The following PCDH11X variants were observed in gnomAD, a reference collection of about 807,000 sequenced individuals.
The protein encoded by PCDH11X is protocadherin 11 X-linked, also known as protocadherin-11 X-linked.
PCDH11X carries 18 observed loss-of-function variants against 53.3 expected under a neutral mutation model. The ratio of observed to expected loss-of-function variants is 0.34; its 90% confidence interval spans 0.23 to 0.50. PCDH11X has a LOEUF of 0.50. Among genes scored for constraint, PCDH11X ranks in the 20% least tolerant of loss-of-function variants. The pLI is 0.98. For synonymous variants in PCDH11X, 279 were observed against 393.3 expected (o/e 0.71, Z 3.44); for missense variants, 570 against 1,032.4 (o/e 0.55, Z 6.14).
intron 9 of PCDH11X, among the ~76,000 whole-genome samples, chrX:92,395,014 A>T (rs1603299199): frequency 9.0e-6 from 1 of 111,493 alleles, no homozygotes; most frequent in Admixed American, 9.6e-5. Flanking sequence ...AATATTGAAG[A>T]TGCTCAATAG....
chrX:92,190,122 A>G (rs775732578), intron 6 of PCDH11X, among the ~76,000 whole-genome samples: 2 of 111,912 alleles, frequency 1.8e-5, no homozygotes, highest in Non-Finnish European at 3.8e-5. Context: ...TGTTTTCATC[A>G]TGAAATCTTT....
chrX:91,915,155 TA>T (rs1252673930), intron 6 of PCDH11X, among the ~76,000 whole-genome samples: 1 of 102,073 alleles, frequency 9.8e-6, no homozygotes, highest in Non-Finnish European at 2.0e-5. Context: ...TGCTGACTAC[TA>T]AGCCAGCACT....
chrX:92,287,845 TG>T (rs1569455551), intron 8 of PCDH11X: 1 of 460,132 alleles, frequency 2.2e-6, no homozygotes, highest in East Asian at 3.8e-5. Context: ...GATTGGCTCA[TG>T]GGGGCATATT....
chrX:92,214,685 C>T (rs2066656324), intron 7 of PCDH11X, among the ~76,000 whole-genome samples: 1 of 111,158 alleles, frequency 9.0e-6, no homozygotes, highest in African/African-American at 3.3e-5. Context: ...TAAACATGGA[C>T]GTTTAGGTTT....
At chrX:92,269,410 C>A (rs541963589) in intron 8 of PCDH11X, among the ~76,000 whole-genome samples, 5 of 112,052 alleles carry the variant, frequency 4.5e-5, no homozygotes, top group African/African-American at 1.6e-4. Context: ...AGCTATTGTT[C>A]TGAAATATTT....
chrX:91,853,434 A>T (rs1317655690), intron 5 of PCDH11X, among the ~76,000 whole-genome samples: 1 of 108,870 alleles, frequency 9.2e-6, no homozygotes, highest in African/African-American at 3.4e-5. Context: ...TAACATAAAA[A>T]ATTGGAATGA....
At chrX:91,974,369 G>A (rs2062017523) in intron 6 of PCDH11X, among the ~76,000 whole-genome samples, 1 of 111,449 alleles carries the variant, frequency 9.0e-6, no homozygotes, top group African/African-American at 3.3e-5. Context: ...GGGATTAGCA[G>A]TGTCAGTGGT....
Position 92,274,787 on chromosome X carries a change from G to C in PCDH11X, c.3144+11644G>C, listed in dbSNP as rs185850068. On this transcript the variant is annotated intron_variant, in intron 8 of 10. Coordinates refer to ENST00000682573, the MANE Select transcript of PCDH11X (RefSeq NM_032968.5). Reference sequence around the variant, plus strand: ...TACTATAGCATAGCCTGCCTTTGCTGGTGTGTGGCGATAAGGCCTGGTAGA... The same window carrying C: ...TACTATAGCATAGCCTGCCTTTGCTCGTGTGTGGCGATAAGGCCTGGTAGA... Among the ~76,000 whole-genome samples the C allele has an allele frequency of 3.0e-3, 330 of 110,942 alleles. 3 individuals carry two copies. The highest frequency in any genetic ancestry group is 0.011 in the African/African-American group (324 of 30,512).
chrX:92,373,535 T>A (rs2573825), intron 8 of PCDH11X, among the ~76,000 whole-genome samples: 1 of 109,486 alleles, frequency 9.1e-6, no homozygotes, highest in African/African-American at 3.4e-5. Flanking sequence ...ATAATTCTTA[T>A]GCCAAAGAGC....
At chrX:91,884,342 A>T (rs1371967609) in intron 6 of PCDH11X, among the ~76,000 whole-genome samples, 1 of 111,182 alleles carries the variant, frequency 9.0e-6, no homozygotes, top group East Asian at 2.8e-4. Flanking sequence ...TTTGAAAAAA[A>T]GTATATTGAT....
At chrX:92,358,253 T>C (rs1224523997) in intron 8 of PCDH11X, among the ~76,000 whole-genome samples, 5 of 99,730 alleles carry the variant, frequency 5.0e-5, no homozygotes, top group African/African-American at 1.8e-4. Flanking sequence ...CAGATGGTCA[T>C]TGATGTCATG....
chrX:92,515,512 C>T (rs1159519114), intron 10 of PCDH11X: 4 of 298,358 alleles, frequency 1.3e-5, no homozygotes, highest in Non-Finnish European at 1.9e-5. Flanking sequence ...CTGTAGCCGC[C>T]GCCGCCGCGG....
intron 4 of PCDH11X, among the ~76,000 whole-genome samples, chrX:91,832,538 A>G (rs1292674762): frequency 6.7e-5 from 7 of 103,982 alleles, no homozygotes; most frequent in Non-Finnish European, 1.4e-4. Context: ...GATATACCTA[A>G]TGTTAAATGA....
chrX:92,133,492 G>T (rs1373466484), intron 6 of PCDH11X, among the ~76,000 whole-genome samples: 2 of 111,333 alleles, frequency 1.8e-5, no homozygotes, highest in Non-Finnish European at 3.8e-5. Context: ...TCAGCCTCCC[G>T]AGTAGCTGGG....
At chrX:92,277,282 T>C in intron 8 of PCDH11X, among the ~76,000 whole-genome samples, 1 of 111,144 alleles carries the variant, frequency 9.0e-6, no homozygotes. Context: ...CTCAGACCAT[T>C]TGCCTATTTT....
intron 8 of PCDH11X, among the ~76,000 whole-genome samples, chrX:92,384,106 G>C (rs1255079466): frequency 2.0e-4 from 22 of 111,549 alleles, no homozygotes; most frequent in Non-Finnish European, 3.4e-4. Context: ...ATGTTTGCTG[G>C]CCGCATAAAT....
At position 92,606,213 on chromosome X, in the gene PCDH11X, CA is replaced by C. The variant is rs1389517354; in HGVS notation, c.3368-12049del. Among the ~76,000 whole-genome samples the C allele has an allele frequency of 2.7e-3, 114 of 42,006 alleles. 2 individuals are homozygous for C. The highest frequency in any genetic ancestry group is 0.011 in the African/African-American group (107 of 9,854). The allele number at this position is 42,006 out of a possible 115,157, so 36.5% of individuals were successfully genotyped here. The stretch of plus-strand genomic sequence containing the variant: ...TGCCATTGCACTCCAGCCTGGGCAA[CA>C]AGAGGGAAATTCCGTCTCAAAAAAA... On this transcript the variant is annotated intron_variant, in intron 10 of 10. Coordinates refer to ENST00000682573, the MANE Select transcript of PCDH11X (RefSeq NM_032968.5).
rs889299578 is a variant in PCDH11X at position 92,218,333 on chromosome X, A to G, written c.3114+16878A>G. On this transcript the variant is annotated intron_variant, in intron 7 of 10. Transcript: ENST00000682573. ...ATAAAGAAGAAAAGAGAGAAGAATC[A>G]AATAGACGCAATAAAAAATGATAAA... Among the ~76,000 whole-genome samples the G allele has an allele frequency of 6.0e-3, 665 of 111,026 alleles. 4 individuals are homozygous for G. Among genetic ancestry groups the G allele is most frequent in the Non-Finnish European group, 9.9e-3 (524 of 52,994 alleles).
chrX:92,229,879 C>G (rs940994433), intron 7 of PCDH11X, among the ~76,000 whole-genome samples: 1 of 111,064 alleles, frequency 9.0e-6, no homozygotes, highest in Non-Finnish European at 1.9e-5. Flanking sequence ...GGCTTATGAT[C>G]TCCCTTTTTT....
Sources: gnomAD v4.1 joint callset for allele counts (sites outside exome capture counted in the v4.1 genomes callset) on GRCh38, gnomAD v4.1.1 for gene constraint, MANE v1.5 for transcripts, NCBI Gene and HGNC (gene_info 2026-07-23, HGNC 2026-07-21) for gene names.